ZNF569: variants seen among roughly 807,000 people sequenced by gnomAD.
ZNF569 encodes the protein zinc finger protein 569.
Under a neutral mutation model 56.3 loss-of-function variants are expected in ZNF569, and 38 were observed. That is an observed-to-expected ratio of 0.68 (90% CI 0.52 to 0.88). ZNF569 has a LOEUF of 0.88. Ranked by LOEUF, ZNF569 falls within the 40% of genes least tolerant of loss-of-function variation. The pLI, the probability that ZNF569 is intolerant of heterozygous loss-of-function variation, is 0.00. For synonymous variants in ZNF569, 241 were observed against 262.9 expected, an observed-to-expected ratio of 0.92 and a Z score of 0.81; for missense variants, 666 against 809.2, an observed-to-expected ratio of 0.82 and a Z score of 2.15.
intron 2 of ZNF569, 99 bp downstream of exon 2, chr19:37,465,214 A>C (rs919767480): frequency 1.3e-5 from 2 of 152,224 alleles, no homozygotes; most frequent in African/African-American, 4.8e-5. Flanking sequence ...AGCCCATCTA[A>C]AACTCAGACT....
At chr19:37,415,674 TC>T in intron 5 of ZNF569, among the ~76,000 whole-genome samples, 1 of 147,854 alleles carries the variant, frequency 6.8e-6, no homozygotes, top group Non-Finnish European at 1.5e-5. Flanking sequence ...ATTGAGACCA[TC>T]CTGGCTAACA....
In ZNF569 at chr19:37,412,328, T is replaced by C. The variant is rs2040851818; in HGVS notation, c.*269A>G. On this transcript the variant is annotated 3_prime_UTR_variant, in exon 6 of 6. Coordinates refer to ENST00000316950, the MANE Select transcript of ZNF569 (RefSeq NM_152484.3). Reference sequence around the variant, plus strand: ...TAGGAGCTCAAGTGTTGTGTTGTTATGCTGATGGAAGATACCTTGTTTCAG... The same window carrying C: ...TAGGAGCTCAAGTGTTGTGTTGTTACGCTGATGGAAGATACCTTGTTTCAG... 1 of 381,968 alleles carries C rather than the reference T, an allele frequency of 2.6e-6. No individual in the cohort carries two copies. Among genetic ancestry groups the C allele is most frequent in the Non-Finnish European group, 4.4e-6 (1 of 225,540 alleles). 23.7% of individuals were successfully genotyped at this position (381,968 alleles called of 1,614,324 possible).
chr19:37,430,178 G>A lies in ZNF569; in HGVS notation c.16-3800C>T, dbSNP rs975616995. ...CCACTGCACTCCAGCCTGGGTGACA[G>A]AGTGAGACCCTATCTCAAAAAAAAA... On this transcript the variant is annotated intron_variant, in intron 3 of 5. Transcript: ENST00000316950. 3.5e-5 allele frequency among the ~76,000 whole-genome samples: 5 copies of A among 144,918 alleles called. 1 individual carries two copies. The Admixed American group carries it at 3.5e-4, about 10-fold the overall frequency.
intron 2 of ZNF569, among the ~76,000 whole-genome samples, chr19:37,451,124 G>A (rs1262770690): frequency 6.6e-6 from 1 of 151,886 alleles, no homozygotes; most frequent in South Asian, 2.1e-4. Context: ...AGATGGCCAG[G>A]CACGGTGGCT....
rs1183367931 is a variant in ZNF569, at chr19:37,413,456, A to G, written c.1202T>C (p.Met401Thr). Residue 401 changes from methionine to threonine, a missense_variant, in exon 6 of 6, where the codon ATG becomes ACG. Transcript: ENST00000316950. ...FSQSSALTVH[M>T]RSHTGEKPYE... ...GGGTTTCTCACCAGTGTGACTTCTC[A>G]TATGTACAGTAAGGGCTGAGCTTTG... is the stretch of plus-strand genomic sequence containing the variant. 6 of 1,613,648 alleles carry G rather than the reference A, an allele frequency of 3.7e-6. No individual in the cohort carries two copies. In the African/African-American group the frequency reaches 4.0e-5, roughly 11 times the overall value.
At chr19:37,442,606 T>C (rs1296843419) in intron 3 of ZNF569, among the ~76,000 whole-genome samples, 1 of 152,180 alleles carries the variant, frequency 6.6e-6, no homozygotes, top group Non-Finnish European at 1.5e-5. Context: ...GAGAATGGAC[T>C]ATAGATGGTC....
chr19:37,467,480 A>G, upstream of ZNF569: 1 of 196,084 alleles, frequency 5.1e-6, no homozygotes, highest in African/African-American at 3.0e-5. Context: ...TCGCGGCCCT[A>G]CTTCCCCGAC....
intron 2 of ZNF569, among the ~76,000 whole-genome samples, chr19:37,456,292 G>A (rs530252060): frequency 5.9e-5 from 9 of 151,990 alleles, no homozygotes; most frequent in East Asian, 3.9e-4. Context: ...ACGGACATAC[G>A]GTCATTTCAA....
Position 37,414,142 on chromosome 19 carries a change from T to A in ZNF569, c.516A>T (p.Lys172Asn), listed in dbSNP as rs201479981. ...AATGGGATGAGCTATTACCATATGA[T>A]TTCACAGGTTCATTATATTCACAAT... ...KEHCEYNEPV[K>N]SYGNSSSHFV... Residue 172 changes from lysine (K) to asparagine (N), a missense_variant, in exon 6 of 6, where the codon AAA (lysine) becomes AAT (asparagine). Lys to Asn is a moderately conservative substitution (Grantham distance 94). Coordinates refer to ENST00000316950, the MANE Select transcript of ZNF569 (RefSeq NM_152484.3). 6.2e-7 allele frequency: 1 copy of A among 1,613,794 alleles called. No individual in the cohort carries two copies. Among genetic ancestry groups the A allele is most frequent in the Non-Finnish European group, 8.5e-7 (1 of 1,179,894 alleles).
chr19:37,450,606 G>A (rs1346443943), intron 2 of ZNF569, among the ~76,000 whole-genome samples: 1 of 151,956 alleles, frequency 6.6e-6, no homozygotes, highest in Non-Finnish European at 1.5e-5. Flanking sequence ...GTTAGTTTCT[G>A]TCACTTTTCT....
intron 2 of ZNF569, among the ~76,000 whole-genome samples, chr19:37,464,630 G>T (rs898255581): frequency 3.9e-5 from 6 of 152,162 alleles, no homozygotes; most frequent in Admixed American, 6.5e-5. Flanking sequence ...ACAATAGGCT[G>T]TGCCATATAG....
intron 2 of ZNF569, among the ~76,000 whole-genome samples, chr19:37,446,485 G>C (rs186035552): frequency 1.7e-4 from 26 of 149,942 alleles, no homozygotes; most frequent in Admixed American, 5.4e-4. Context: ...GAGAGGCGGA[G>C]GTTGCAGTGA....
intron 3 of ZNF569, among the ~76,000 whole-genome samples, chr19:37,439,967 A>G (rs926906478): frequency 1.1e-4 from 16 of 152,214 alleles, no homozygotes; most frequent in African/African-American, 3.9e-4. Flanking sequence ...GTTAGAATGA[A>G]TAAGATCTAA....
intron 2 of ZNF569, among the ~76,000 whole-genome samples, chr19:37,463,275 A>G (rs1170436410): frequency 6.6e-6 from 1 of 152,210 alleles, no homozygotes; most frequent in Non-Finnish European, 1.5e-5. Context: ...AACAGATCAC[A>G]TATACAACAG....
In ZNF569 at chr19:37,413,849, T is replaced by A. The variant is rs749391116; in HGVS notation, c.809A>T (p.Tyr270Phe). The A allele has an allele frequency of 6.2e-7, 1 of 1,613,624 alleles. No homozygotes were observed. Among genetic ancestry groups the A allele is most frequent in the Non-Finnish European group, 8.5e-7 (1 of 1,179,940 alleles). The change falls in exon 6 of 6, where the codon TAT becomes TTT. Residue 270 changes from tyrosine to phenylalanine, a missense_variant. Coordinates refer to ENST00000316950, the MANE Select transcript of ZNF569 (RefSeq NM_152484.3). ...HQRIHTGEKP[Y>F]ACKECEKSFS... ...GGACTTCTCACATTCCTTACATGCA[T>A]AGGGCTTCTCTCCAGTATGAATTCT...
At chr19:37,437,737 A>G (rs1484250684) in intron 3 of ZNF569, among the ~76,000 whole-genome samples, 1 of 152,204 alleles carries the variant, frequency 6.6e-6, no homozygotes, top group Non-Finnish European at 1.5e-5. Context: ...AGTAGCTAAA[A>G]GTAAAATCCC....
intron 5 of ZNF569, among the ~76,000 whole-genome samples, chr19:37,418,115 A>C (rs933593101): frequency 3.3e-5 from 5 of 149,614 alleles, no homozygotes; most frequent in Non-Finnish European, 7.4e-5. Flanking sequence ...AATAATAATA[A>C]TAATAATAAT....
At chr19:37,431,179 C>CT (rs2146904207) in intron 3 of ZNF569, among the ~76,000 whole-genome samples, 1 of 152,260 alleles carries the variant, frequency 6.6e-6, no homozygotes, top group South Asian at 2.1e-4. Flanking sequence ...AGCCAGTGGA[C>CT]TAGGGGGTCA....
intron 5 of ZNF569, among the ~76,000 whole-genome samples, chr19:37,415,331 T>C (rs2040910361): frequency 6.6e-6 from 1 of 152,138 alleles, no homozygotes; most frequent in Non-Finnish European, 1.5e-5. Flanking sequence ...CAAGTAATCA[T>C]TTCTGTAGAT....
Sources: allele counts gnomAD v4.1 joint callset (sites outside exome capture counted in the v4.1 genomes callset), GRCh38; gene constraint gnomAD v4.1.1; transcripts MANE v1.5; gene names NCBI Gene and HGNC (gene_info 2026-07-23, HGNC 2026-07-21).